VPS13C: variants seen among roughly 807,000 people sequenced by gnomAD.
VPS13C encodes the protein intermembrane lipid transfer protein VPS13C.
VPS13C carries 358 observed loss-of-function variants against 456.8 expected under a neutral mutation model. That is an observed-to-expected ratio of 0.78 (90% confidence interval 0.72 to 0.86). The LOEUF (loss-of-function observed/expected upper bound fraction) is 0.86. Ranked by LOEUF, VPS13C falls within the 40% of genes least tolerant of loss-of-function variation. VPS13C has a pLI of 0.00. For missense variants in VPS13C, 4,818 were observed against 4,385.4 expected, an observed-to-expected ratio of 1.10 and a Z score of -2.79; for synonymous variants, 1,578 against 1,486.7, an observed-to-expected ratio of 1.06 and a Z score of -1.41.
chr15:61,897,432 G>A (rs1307753294), intron 66 of VPS13C, among the ~76,000 whole-genome samples: 1 of 152,154 alleles, frequency 6.6e-6, no homozygotes, highest in Non-Finnish European at 1.5e-5. Flanking sequence ...TGAAAACCAA[G>A]GCTCGAGAAC....
chr15:62,009,191 G>A (rs76119880), intron 13 of VPS13C, among the ~76,000 whole-genome samples: 1,669 of 152,230 alleles, frequency 0.011, 40 homozygotes, highest in African/African-American at 0.039. Context: ...AGCAGTAGCT[G>A]TCTATGAGCT....
chr15:62,056,923 T>C (rs917202158), intron 1 of VPS13C, among the ~76,000 whole-genome samples: 13 of 152,174 alleles, frequency 8.5e-5, no homozygotes, highest in African/African-American at 2.9e-4. Context: ...TTACCTATCA[T>C]TGGAGATGAC....
At chr15:61,905,816 A>G (rs939165975) in intron 66 of VPS13C, among the ~76,000 whole-genome samples, 1 of 152,130 alleles carries the variant, frequency 6.6e-6, no homozygotes, top group African/African-American at 2.4e-5. Flanking sequence ...TTAGGATTAA[A>G]TGGGATATAA....
intron 81 of VPS13C, chr15:61,865,576 A>G (rs984281932): frequency 1.7e-5 from 12 of 698,586 alleles, no homozygotes; most frequent in East Asian, 1.3e-4. Flanking sequence ...TTGCGTATAT[A>G]TGTGTGTATA....
rs202229870 is a variant in VPS13C at position 61,958,626 on chromosome 15, G to C, written c.4147C>G (p.Pro1383Ala). 6.4e-7 allele frequency: 1 copy of C among 1,571,002 alleles called. No homozygotes were observed. Among genetic ancestry groups the C allele is most frequent in the Non-Finnish European group, 8.6e-7 (1 of 1,161,328 alleles). Residue 1383 changes from proline to alanine, a missense_variant, in exon 37 of 85, where the codon CCA becomes GCA. Physicochemically the swap from Pro to Ala is conservative, Grantham distance 27 (BLOSUM62 -1). Transcript: ENST00000644861. ...CTCTTACCTGTCTCTTGTACTCTTG[G>C]TTTCACTTTATCCAAGTCTTCAGTA... ...EGTEDLDKVK[P>A]RVQETGEIKE... is the part of the protein sequence containing the mutation.
intron 52 of VPS13C, among the ~76,000 whole-genome samples, chr15:61,926,622 G>A (rs1330614945): frequency 6.6e-6 from 1 of 152,048 alleles, no homozygotes; most frequent in Non-Finnish European, 1.5e-5. Context: ...GAAAATAATT[G>A]GTGTGGTAAT....
chr15:62,060,159 C>A, intron 1 of VPS13C, 116 bp downstream of exon 1: 1 of 486,764 alleles, frequency 2.1e-6, no homozygotes, highest in Non-Finnish European at 3.7e-6. Flanking sequence ...CCTGCCGCAC[C>A]GGGATGGGGA....
At position 61,888,462 on chromosome 15, in the gene VPS13C, G is replaced by A. The variant is rs575760709; in HGVS notation, c.9341+1703C>T. Among the ~76,000 whole-genome samples, 8 of 152,204 alleles carry A rather than the reference G, an allele frequency of 5.3e-5. No individual in the cohort carries two copies. The South Asian group carries it at 6.2e-4, about 12-fold the overall frequency. On this transcript the variant is annotated intron_variant, in intron 67 of 84. Transcript: ENST00000644861. ...GCAACCAAGATCTCCTTCAATAGTTGAATGGATAAACAAACTGGAGTAATA... is the reference window on the plus strand; with the variant it reads ...GCAACCAAGATCTCCTTCAATAGTTAAATGGATAAACAAACTGGAGTAATA...
chr15:61,943,155 G>A (rs1184791024), intron 45 of VPS13C, among the ~76,000 whole-genome samples: 1 of 152,070 alleles, frequency 6.6e-6, no homozygotes, highest in African/African-American at 2.4e-5. Context: ...CATGCTCATG[G>A]ATTACAAGAA....
At position 61,901,314 on chromosome 15, in the gene VPS13C, T is replaced by C. The variant is rs1243050688; in HGVS notation, c.9105+5950A>G. ...ACAGCAAAAGAAACTACCATCAGAG[T>C]GAACAGGCAACCTACAAAATGGGAG... On this transcript the variant is annotated intron_variant, in intron 66 of 84. Transcript: ENST00000644861. 3.3e-5 allele frequency among the ~76,000 whole-genome samples: 5 copies of C among 151,644 alleles called. No individual in the cohort carries two copies. In the East Asian group the frequency reaches 9.7e-4, roughly 29 times the overall value.
At chr15:62,002,998 T>C (rs1055298026) in intron 15 of VPS13C, among the ~76,000 whole-genome samples, 3 of 152,136 alleles carry the variant, frequency 2.0e-5, no homozygotes, top group East Asian at 1.9e-4. Context: ...GACTTGGCAA[T>C]GCGGGCTCTT....
chr15:61,999,487 T>G (rs975794707), intron 16 of VPS13C, among the ~76,000 whole-genome samples: 1 of 152,174 alleles, frequency 6.6e-6, no homozygotes, highest in Non-Finnish European at 1.5e-5. Flanking sequence ...GTCAACTGTA[T>G]ATGCCTTAAT....
chr15:61,856,687 C>CTTTTTTTTTTTTTTTTTTTT (rs542779595), intron 82 of VPS13C: 83 of 114,788 alleles, frequency 7.2e-4, no homozygotes, highest in Non-Finnish European at 8.2e-4. Flanking sequence ...TTTTTCTTTT[C>CTTTTTTTTTTTTTTTTTTTT]TTTTTTTTTT....
chr15:62,032,200 C>T (rs2047842869), intron 5 of VPS13C, among the ~76,000 whole-genome samples: 1 of 151,634 alleles, frequency 6.6e-6, no homozygotes, highest in Non-Finnish European at 1.5e-5. Context: ...AATTCTTAGC[C>T]TTCATTTTTA....
At chr15:61,953,961 A>G (rs181212411) in intron 38 of VPS13C, among the ~76,000 whole-genome samples, 137 of 152,322 alleles carry the variant, frequency 9.0e-4, no homozygotes, top group African/African-American at 3.2e-3. Context: ...CACTGGGCAT[A>G]TACAATAAAT....
intron 15 of VPS13C, among the ~76,000 whole-genome samples, chr15:62,001,726 T>A (rs897662197): frequency 5.9e-5 from 9 of 152,160 alleles, no homozygotes; most frequent in South Asian, 2.1e-4. Context: ...TGTCCATGTG[T>A]TCTCATTGTT....
chr15:61,874,881 G>A lies in VPS13C; in HGVS notation c.10409C>T (p.Thr3470Ile). 1 of 1,592,836 alleles carries A rather than the reference G, an allele frequency of 6.3e-7. No homozygotes were observed. Among genetic ancestry groups the A allele is most frequent in the Non-Finnish European group, 8.5e-7 (1 of 1,170,816 alleles). ...CACAAATATGTGATACATACCTACT[G>A]TGTGTCCAAAGAGGCTTCTCACTCC... is the stretch of plus-strand genomic sequence containing the variant. Reference protein sequence around the residue: ...VIGVRSLFGHTVGGAAGVVSR... With the variant: ...VIGVRSLFGHIVGGAAGVVSR... Residue 3470 changes from threonine (T) to isoleucine (I), a missense_variant, in exon 77 of 85, where the codon ACA (threonine) becomes ATA (isoleucine). By Grantham distance (89) the Thr-to-Ile change is moderately conservative. Coordinates refer to ENST00000644861, the MANE Select transcript of VPS13C (RefSeq NM_020821.3).
At chr15:62,035,327 G>A (rs191960939) in intron 3 of VPS13C, among the ~76,000 whole-genome samples, 1 of 151,730 alleles carries the variant, frequency 6.6e-6, no homozygotes, top group East Asian at 1.9e-4. Context: ...AAATGAATAA[G>A]TCAGCTATTA....
At chr15:61,919,142 GTTACTATTTATTTCTGAATAA>G in intron 58 of VPS13C, 126 bp downstream of exon 58, 1 of 747,706 alleles carries the variant, frequency 1.3e-6, no homozygotes, top group Non-Finnish European at 2.0e-6. Context: ...AGCCATTTCT[GTTACTATTTATTTCTGAATAA>G]TTACTATTTA....
Sources: allele counts gnomAD v4.1 joint callset (sites outside exome capture counted in the v4.1 genomes callset), GRCh38; gene constraint gnomAD v4.1.1; transcripts MANE v1.5; gene names NCBI Gene and HGNC (gene_info 2026-07-23, HGNC 2026-07-21).